Variants in EMCN observed in about 807,000 individuals in gnomAD.
The protein encoded by EMCN is MUC-14.
Under a neutral mutation model 38.4 loss-of-function variants are expected in EMCN, and 37 were observed. The ratio of observed to expected loss-of-function variants is 0.96; its 90% CI spans 0.74 to 1.27. The LOEUF (loss-of-function observed/expected upper bound fraction) is 1.27, where lower values mean the gene tolerates loss of function less well. EMCN is among the 50% of genes most tolerant of loss of function. The pLI, the probability that EMCN is intolerant of heterozygous loss-of-function variation, is 0.00. For missense variants in EMCN, 318 were observed against 302.8 expected, an observed-to-expected ratio of 1.05 and a Z score of -0.37; for synonymous variants, 95 against 100.8, an observed-to-expected ratio of 0.94 and a Z score of 0.35.
chr4:100,406,203 T>C (rs1417853127), intron 11 of EMCN, among the ~76,000 whole-genome samples: 1 of 152,092 alleles, frequency 6.6e-6, no homozygotes. Flanking sequence ...GTTTTGTTGA[T>C]CTTTTGCATA....
chr4:100,436,821 T>C (rs2110232689), intron 5 of EMCN, among the ~76,000 whole-genome samples: 1 of 152,048 alleles, frequency 6.6e-6, no homozygotes, highest in East Asian at 1.9e-4. Context: ...TAAGAACACA[T>C]GGACACATGG....
At chr4:100,516,196 C>T (rs1167751251) in intron 1 of EMCN, among the ~76,000 whole-genome samples, 1 of 152,028 alleles carries the variant, frequency 6.6e-6, no homozygotes, top group Non-Finnish European at 1.5e-5. Flanking sequence ...TTTGTATTTT[C>T]CCAAAATGAC....
At chr4:100,437,456 G>GAC (rs1336266831) in intron 5 of EMCN, among the ~76,000 whole-genome samples, 68 of 2,328 alleles carry the variant, frequency 0.029, no homozygotes, top group Non-Finnish European at 0.043. Context: ...CTTTTGGTCT[G>GAC]ATATAAAAAA....
rs774909936 is a variant in EMCN at position 100,410,405 on chromosome 4, G to A, written c.752-50C>T. The A allele has an allele frequency of 1.9e-6, 3 of 1,548,072 alleles. No individual in the cohort carries two copies. The South Asian group carries it at 3.5e-5, about 18-fold the overall frequency. On this transcript the variant is annotated intron_variant, in intron 10 of 11. Transcript: ENST00000296420. ...TCTGTAAGCTCAGAGACTGAGTAAG[G>A]ATGAAAATAAAGTTTCCTAGCTTTT...
intron 4 of EMCN, among the ~76,000 whole-genome samples, chr4:100,456,790 G>A (rs971329452): frequency 6.6e-6 from 1 of 152,076 alleles, no homozygotes; most frequent in Admixed American, 6.5e-5. Flanking sequence ...TTCTGTAGTT[G>A]AGATAGTTCA....
chr4:100,457,275 C>T (rs1728045468), intron 4 of EMCN, among the ~76,000 whole-genome samples: 1 of 151,474 alleles, frequency 6.6e-6, no homozygotes, highest in Non-Finnish European at 1.5e-5. Context: ...CATTTTACTA[C>T]TTCCTTCTCT....
Position 100,419,070 on chromosome 4 carries a change from A to ATTTTAATATTTTTTATTTTAT in EMCN, c.665-1930_665-1929insATAAAATAAAAAATATTAAAA, listed in dbSNP as rs766990593. Among the ~76,000 whole-genome samples, 105 of 152,098 alleles carry ATTTTAATATTTTTTATTTTAT rather than the reference A, an allele frequency of 6.9e-4. 1 individual carries two copies. In the Middle Eastern group the frequency reaches 0.014, roughly 20 times the overall value. ...CAGCAAAATGTATTGAGATTTTTATATGCCTGTTTTAATATTTTTTCCCTA... is the reference window on the plus strand; with the variant it reads ...CAGCAAAATGTATTGAGATTTTTATATTTTAATATTTTTTATTTTATTGCCTGTTTTAATATTTTTTCCCTA... On this transcript the variant is annotated intron_variant, in intron 8 of 11. Transcript: ENST00000296420.
chr4:100,399,335 C>T, intron 11 of EMCN, among the ~76,000 whole-genome samples: 1 of 152,004 alleles, frequency 6.6e-6, no homozygotes, highest in Non-Finnish European at 1.5e-5. Flanking sequence ...CTGGGGAGAG[C>T]ATGATATGGT....
At chr4:100,453,412 C>T (rs1578203836) in intron 4 of EMCN, among the ~76,000 whole-genome samples, 1 of 152,282 alleles carries the variant, frequency 6.6e-6, no homozygotes, top group East Asian at 1.9e-4. Context: ...CCAAAAGACA[C>T]ATGAAAAATT....
At position 100,419,126 on chromosome 4, in the gene EMCN, T is replaced by C. The variant is rs566545909; in HGVS notation, c.665-1985A>G. Among the ~76,000 whole-genome samples, 97 of 152,222 alleles carry C rather than the reference T, an allele frequency of 6.4e-4. 1 individual carries two copies. Among genetic ancestry groups the C allele is most frequent in the Middle Eastern group, 3.4e-3 (1 of 294 alleles). ...CTATAGCGATAGTCTCATTAGCAGATAGATGCAAGCCAACAGACTATTTTC... is the reference window on the plus strand; with the variant it reads ...CTATAGCGATAGTCTCATTAGCAGACAGATGCAAGCCAACAGACTATTTTC... On this transcript the variant is annotated intron_variant, in intron 8 of 11. Transcript: ENST00000296420.
At chr4:100,468,505 T>C (rs1728385837) in intron 3 of EMCN, among the ~76,000 whole-genome samples, 1 of 152,184 alleles carries the variant, frequency 6.6e-6, no homozygotes, top group African/African-American at 2.4e-5. Context: ...AGCATTGTTT[T>C]ATCTGATGCC....
Position 100,508,732 on chromosome 4 carries a change from C to T in EMCN, c.64+9119G>A, listed in dbSNP as rs1486875943. Among the ~76,000 whole-genome samples the T allele has an allele frequency of 2.0e-5, 3 of 152,162 alleles. No individual in the cohort carries two copies. The East Asian group carries it at 5.8e-4, about 29-fold the overall frequency. On this transcript the variant is annotated intron_variant, in intron 1 of 11. Transcript: ENST00000296420. ...TGGTTCAGAATTACCTGATGAATTA[C>T]AGACCACTAATTTTTGTATATGTGA...
At chr4:100,486,626 T>A (rs1363181697) in intron 1 of EMCN, among the ~76,000 whole-genome samples, 1 of 152,138 alleles carries the variant, frequency 6.6e-6, no homozygotes, top group African/African-American at 2.4e-5. Context: ...GAAAGAGGAA[T>A]CTCCTCAGGT....
In EMCN at chr4:100,410,697, C is replaced by T. The variant is rs141137948; in HGVS notation, c.752-342G>A. Among the ~76,000 whole-genome samples, 4 of 152,194 alleles carry T rather than the reference C, an allele frequency of 2.6e-5. No individual in the cohort carries two copies. The East Asian group carries it at 7.7e-4, about 29-fold the overall frequency. On this transcript the variant is annotated intron_variant, in intron 10 of 11. Transcript: ENST00000296420. ...TTGCTTGTTACATGAGCTGGCTGTGCCTAAGCAAGCCCATGTCATGTGTTT... is the reference window on the plus strand; with the variant it reads ...TTGCTTGTTACATGAGCTGGCTGTGTCTAAGCAAGCCCATGTCATGTGTTT...
chr4:100,496,518 C>T (rs762148093), intron 1 of EMCN, among the ~76,000 whole-genome samples: 20 of 152,150 alleles, frequency 1.3e-4, no homozygotes, highest in Admixed American at 3.3e-4. Context: ...AATTACTTCC[C>T]TTTAAATGAT....
intron 2 of EMCN, among the ~76,000 whole-genome samples, chr4:100,478,140 A>G (rs1431405447): frequency 1.3e-5 from 2 of 151,964 alleles, no homozygotes; most frequent in Non-Finnish European, 2.9e-5. Flanking sequence ...AGCACCACGG[A>G]CCCCAATTTG....
At chr4:100,418,778 T>A (rs1726807930) in intron 8 of EMCN, among the ~76,000 whole-genome samples, 2 of 152,156 alleles carry the variant, frequency 1.3e-5, no homozygotes, top group African/African-American at 4.8e-5. Flanking sequence ...ATTTTCGTTA[T>A]CTATTCATCT....
At chr4:100,480,958 A>G (rs1372789430) in intron 1 of EMCN, among the ~76,000 whole-genome samples, 1 of 152,116 alleles carries the variant, frequency 6.6e-6, no homozygotes, top group African/African-American at 2.4e-5. Flanking sequence ...ATTGTAATTT[A>G]TTAGCATTTA....
chr4:100,407,138 T>C (rs1726416415), intron 11 of EMCN, among the ~76,000 whole-genome samples: 1 of 152,196 alleles, frequency 6.6e-6, no homozygotes, highest in Non-Finnish European at 1.5e-5. Flanking sequence ...ATTGGTCTCT[T>C]AAAGACAGCA....
Sources: gnomAD v4.1 joint callset for allele counts (sites outside exome capture counted in the v4.1 genomes callset) on GRCh38, gnomAD v4.1.1 for gene constraint, MANE v1.5 for transcripts, NCBI Gene and HGNC (gene_info 2026-07-23, HGNC 2026-07-21) for gene names.